TPRX1: variants seen among roughly 807,000 people sequenced by gnomAD.
TPRX1 encodes tetra-peptide repeat homeobox protein 1.
In TPRX1, 2 loss-of-function variants were observed where a neutral mutation model predicts 8.1. The observed-to-expected ratio is 0.25, with a 90% CI of 0.10 to 0.78. TPRX1 has a LOEUF of 0.78. TPRX1 is among the 30% of genes least tolerant of loss of function. TPRX1 has a pLI of 0.70. For missense variants in TPRX1, 517 were observed against 586.9 expected (o/e 0.88, Z 1.23); for synonymous variants, 257 against 254.1 (o/e 1.01, Z -0.11).
intron 2 of TPRX1, among the ~76,000 whole-genome samples, chr19:47,817,540 G>A (rs1036340132): frequency 6.6e-6 from 1 of 152,162 alleles, no homozygotes; most frequent in Non-Finnish European, 1.5e-5. Flanking sequence ...GAGAGGTTTC[G>A]TCAATTTCCG....
chr19:47,802,996 G>A lies in TPRX1; in HGVS notation c.322-16C>T, dbSNP rs1334157145. 6.5e-7 allele frequency: 1 copy of A among 1,536,594 alleles called. No homozygotes were observed. On this transcript the variant is annotated splice_polypyrimidine_tract_variant and intron_variant, in intron 3 of 3. Coordinates refer to ENST00000535759, the Ensembl canonical transcript of TPRX1. ...TGAACCACACCTGGGGGGCAGAGGGGACAGGGAGAAGGTGTGAAGGAGGGG... is the reference window on the plus strand; with the variant it reads ...TGAACCACACCTGGGGGGCAGAGGGAACAGGGAGAAGGTGTGAAGGAGGGG...
intron 2 of TPRX1, among the ~76,000 whole-genome samples, chr19:47,817,277 A>G (rs1967852463): frequency 6.6e-6 from 1 of 152,224 alleles, no homozygotes; most frequent in African/African-American, 2.4e-5. Flanking sequence ...ATCTCAGGGA[A>G]CAATAACTCC....
At chr19:47,815,010 G>C (rs1967818173) in intron 2 of TPRX1, among the ~76,000 whole-genome samples, 1 of 149,998 alleles carries the variant, frequency 6.7e-6, no homozygotes, top group African/African-American at 2.5e-5. Context: ...TGTTGGCCAG[G>C]CTGGCCTTGA....
intron 2 of TPRX1, among the ~76,000 whole-genome samples, chr19:47,817,901 T>C (rs1288094459): frequency 2.0e-5 from 3 of 152,214 alleles, no homozygotes; most frequent in African/African-American, 7.2e-5. Flanking sequence ...TGCCAGCCTC[T>C]CTCTGCCGCA....
chr19:47,812,069 T>TG, intron 2 of TPRX1, among the ~76,000 whole-genome samples: 1 of 151,564 alleles, frequency 6.6e-6, no homozygotes, highest in African/African-American at 2.4e-5. Flanking sequence ...TTTCTCCATG[T>TG]TGGTCAGGCT....
chr19:47,801,814 A>T, exon 4 of TPRX1: 1 of 1,613,932 alleles, frequency 6.2e-7, no homozygotes, highest in Non-Finnish European at 8.5e-7. Flanking sequence ...AGTGATTTTC[A>T]TTCACAGAGC....
chr19:47,816,682 G>A (rs573516478), intron 2 of TPRX1, among the ~76,000 whole-genome samples: 72 of 151,852 alleles, frequency 4.7e-4, no homozygotes, highest in South Asian at 1.7e-3. Flanking sequence ...ACAGGCGCCC[G>A]CCACCACGCC....
intron 2 of TPRX1, among the ~76,000 whole-genome samples, 156 bp from the exon 1 acceptor site, chr19:47,804,707 A>T (rs1967719189): frequency 6.6e-6 from 1 of 150,590 alleles, no homozygotes. Context: ...TTAATCCTTC[A>T]TCACTGATCA....
chr19:47,805,478 C>A (rs1967727493), intron 2 of TPRX1, among the ~76,000 whole-genome samples: 1 of 152,154 alleles, frequency 6.6e-6, no homozygotes, highest in South Asian at 2.1e-4. Flanking sequence ...CTGTCAGACA[C>A]CTGGCTGTCC....
intron 2 of TPRX1, among the ~76,000 whole-genome samples, chr19:47,809,221 T>C (rs552860153): frequency 6.6e-6 from 1 of 152,190 alleles, no homozygotes; most frequent in Admixed American, 6.6e-5. Flanking sequence ...ATGTACACAT[T>C]TAATAAGCAC....
chr19:47,813,479 G>A (rs1053610163), intron 2 of TPRX1, among the ~76,000 whole-genome samples: 3 of 152,156 alleles, frequency 2.0e-5, no homozygotes, highest in Non-Finnish European at 2.9e-5. Flanking sequence ...AATTGCAGGT[G>A]GAGGCACTAG....
chr19:47,812,794 C>A (rs181284023), intron 2 of TPRX1, among the ~76,000 whole-genome samples: 136 of 150,680 alleles, frequency 9.0e-4, no homozygotes, highest in African/African-American at 2.7e-3. Context: ...CTCAAAAAAA[C>A]CCCCCAAAAC....
chr19:47,813,625 C>T (rs1454456604), intron 2 of TPRX1, among the ~76,000 whole-genome samples: 1 of 151,794 alleles, frequency 6.6e-6, no homozygotes, highest in Non-Finnish European at 1.5e-5. Context: ...CTCCCCCTTT[C>T]TCTGTTCCTC....
chr19:47,803,051 C>A, intron 3 of TPRX1, 71 bp from the exon 3 acceptor site: 1 of 1,460,172 alleles, frequency 6.8e-7, no homozygotes, highest in South Asian at 1.4e-5. Context: ...CTTTTGGGGT[C>A]GGGGCCAGCC....
chr19:47,811,196 G>A (rs1967779523), intron 2 of TPRX1, among the ~76,000 whole-genome samples: 1 of 151,204 alleles, frequency 6.6e-6, no homozygotes, highest in Non-Finnish European at 1.5e-5. Flanking sequence ...TAGAGACAGG[G>A]TTTCACCATG....
chr19:47,811,814 A>G lies in TPRX1; in HGVS notation c.151+6654T>C, dbSNP rs59085676. Reference sequence around the variant, plus strand: ...GCCCGGCTAATGGCAACTTCACAGAACATAACAAGTAAGAATGAGGAGAAC... The same window carrying G: ...GCCCGGCTAATGGCAACTTCACAGAGCATAACAAGTAAGAATGAGGAGAAC... On this transcript the variant is annotated intron_variant, in intron 2 of 3. Coordinates refer to ENST00000535759, the Ensembl canonical transcript of TPRX1. Among the ~76,000 whole-genome samples, 1,448 of 151,414 alleles carry G rather than the reference A, an allele frequency of 9.6e-3. 14 individuals carry two copies. The highest frequency in any genetic ancestry group is 0.033 in the African/African-American group (1,370 of 41,276).
At chr19:47,816,731 A>C (rs151155742) in intron 2 of TPRX1, among the ~76,000 whole-genome samples, 2 of 151,142 alleles carry the variant, frequency 1.3e-5, no homozygotes, top group Non-Finnish European at 3.0e-5. Context: ...ATGGGGTTTC[A>C]CCATGTTAGC....
At chr19:47,809,534 T>C (rs1176798425) in intron 2 of TPRX1, among the ~76,000 whole-genome samples, 1 of 152,164 alleles carries the variant, frequency 6.6e-6, no homozygotes, top group Non-Finnish European at 1.5e-5. Context: ...CCATCCATGT[T>C]GGCCTCCCAA....
chr19:47,808,393 G>A (rs1345778522), intron 2 of TPRX1, among the ~76,000 whole-genome samples: 4 of 151,880 alleles, frequency 2.6e-5, no homozygotes, highest in Non-Finnish European at 5.9e-5. Context: ...GGGATTACAG[G>A]TGTGAGCCAC....
Sources: gnomAD v4.1 joint callset for allele counts (sites outside exome capture counted in the v4.1 genomes callset) on GRCh38, gnomAD v4.1.1 for gene constraint, MANE v1.5 for transcripts, NCBI Gene and HGNC (gene_info 2026-07-23, HGNC 2026-07-21) for gene names.